SLC43A3: variants seen among roughly 807,000 people sequenced by gnomAD.
The protein encoded by SLC43A3 is equilibrative nucleobase transporter 1.
In SLC43A3, 33 loss-of-function variants were observed where a neutral mutation model predicts 53.3. That is an observed-to-expected ratio of 0.62 (90% CI 0.47 to 0.83). The LOEUF (loss-of-function observed/expected upper bound fraction) is 0.83, where lower values mean the gene tolerates loss of function less well. SLC43A3 is among the 40% of genes least tolerant of loss of function. The pLI, the probability that SLC43A3 is intolerant of heterozygous loss-of-function variation, is 0.00. For synonymous variants in SLC43A3, 236 were observed against 246.2 expected (o/e 0.96, Z 0.39); for missense variants, 530 against 610.0 (o/e 0.87, Z 1.38).
intron 11 of SLC43A3, among the ~76,000 whole-genome samples, chr11:57,411,919 C>T (rs941718804): frequency 6.6e-6 from 1 of 151,880 alleles, no homozygotes; most frequent in African/African-American, 2.4e-5. Flanking sequence ...GAAAGGGCTA[C>T]AAATGTAAAA....
At chr11:57,409,047 T>C (rs1020053835) in intron 13 of SLC43A3, 128 bp downstream of exon 13, 28 of 911,286 alleles carry the variant, frequency 3.1e-5, no homozygotes, top group Admixed American at 1.1e-4. Context: ...CCCCAAATAC[T>C]TGAATAACAC....
chr11:57,425,920 C>T, intron 3 of SLC43A3, 69 bp downstream of exon 3: 5 of 1,493,900 alleles, frequency 3.3e-6, no homozygotes, highest in African/African-American at 1.4e-5. Flanking sequence ...GGGGCAGAGT[C>T]CTTCCTGCTC....
At chr11:57,424,667 G>A (rs968085242) in intron 4 of SLC43A3, among the ~76,000 whole-genome samples, 4 of 152,132 alleles carry the variant, frequency 2.6e-5, no homozygotes, top group African/African-American at 7.2e-5. Flanking sequence ...GACAAAGGAA[G>A]GGGAGGAAAG....
intron 7 of SLC43A3, among the ~76,000 whole-genome samples, 157 bp from the exon 8 acceptor site, chr11:57,418,044 A>G (rs941549435): frequency 2.0e-5 from 3 of 152,214 alleles, no homozygotes; most frequent in African/African-American, 4.8e-5. Flanking sequence ...TTCAGCCTTA[A>G]AAAAGGAAAG....
At chr11:57,408,226 G>C in intron 13 of SLC43A3, 1 of 216,226 alleles carries the variant, frequency 4.6e-6, no homozygotes, top group South Asian at 8.7e-5. Flanking sequence ...TGATTACTAG[G>C]TCACCTGATG....
chr11:57,413,941 G>C (rs933745200), intron 11 of SLC43A3, among the ~76,000 whole-genome samples: 3 of 152,136 alleles, frequency 2.0e-5, no homozygotes, highest in Non-Finnish European at 1.5e-5. Context: ...ATTCCCTCCA[G>C]GAAGCCTTCC....
rs1288045319 is a variant in SLC43A3, at chr11:57,416,648, T to C, written c.694A>G (p.Thr232Ala). The C allele has an allele frequency of 6.2e-7, 1 of 1,614,116 alleles. No individual in the cohort carries two copies. The highest frequency in any genetic ancestry group is 1.7e-5 in the Admixed American group (1 of 60,014). ...TCAGCTGTTTCCTTCTCTTCCTTTG[T>C]GGTGCCATTCCCAGGGCACAGGCTA... is the stretch of plus-strand genomic sequence containing the variant. ...SYGLCPGNGT[T>A]KEEKETAEHE... The change falls in exon 9 of 14, where the codon ACA becomes GCA. Residue 232 changes from threonine (T) to alanine (A), a missense_variant. Thr to Ala is a moderately conservative substitution (Grantham distance 58). Transcript: ENST00000395124.
Position 57,425,589 on chromosome 11 carries a change from C to G in SLC43A3, c.266G>C (p.Gly89Ala). 6.2e-7 allele frequency: 1 copy of G among 1,614,102 alleles called. No homozygotes were observed. The highest frequency in any genetic ancestry group is 1.1e-5 in the South Asian group (1 of 91,084). The change falls in exon 4 of 14, where the codon GGC becomes GCC. Residue 89 changes from glycine (G) to alanine (A), a missense_variant. Gly to Ala is a moderately conservative substitution (Grantham distance 60, BLOSUM62 0). Coordinates refer to ENST00000395124, the MANE Select transcript of SLC43A3 (RefSeq NM_199329.3). The part of the protein sequence containing the change: ...FMNNFMTFPT[G>A]YIFDRFKTTV... Reference sequence around the variant, plus strand: ...GGTCTTGAACCGGTCAAAGATGTAGCCAGTGGGGAATGTCATGAAGTTGTT... The same window carrying G: ...GGTCTTGAACCGGTCAAAGATGTAGGCAGTGGGGAATGTCATGAAGTTGTT...
chr11:57,407,955 T>G, intron 13 of SLC43A3, 59 bp from the exon 14 acceptor site: 7 of 1,165,042 alleles, frequency 6.0e-6, no homozygotes, highest in Non-Finnish European at 6.4e-6. Flanking sequence ...GAACTGTTGC[T>G]CAATGAAGCA....
In SLC43A3 at chr11:57,409,934, C is replaced by T. The variant is rs775076255; in HGVS notation, c.1247+1G>A. On this transcript the variant is annotated splice_donor_variant, in intron 12 of 13. Coordinates refer to ENST00000395124, the MANE Select transcript of SLC43A3 (RefSeq NM_199329.3). LOFTEE classifies it high-confidence loss of function. ...ACAGAGCCCGCCCCAAGGCCACTTA[C>T]GCAAGGGTGAGGAAGGCCGCGTTGC... The T allele has an allele frequency of 4.4e-6, 7 of 1,607,712 alleles. No homozygotes were observed. Among genetic ancestry groups the T allele is most frequent in the Non-Finnish European group, 5.1e-6 (6 of 1,177,196 alleles).
Position 57,409,929 on chromosome 11 carries a change from A to G in SLC43A3, c.1247+6T>C. 1 of 1,604,994 alleles carries G rather than the reference A, an allele frequency of 6.2e-7. No homozygotes were observed. Among genetic ancestry groups the G allele is most frequent in the Non-Finnish European group, 8.5e-7 (1 of 1,175,690 alleles). On this transcript the variant is annotated splice_donor_region_variant and intron_variant, in intron 12 of 13. Coordinates refer to ENST00000395124, the MANE Select transcript of SLC43A3 (RefSeq NM_199329.3). Reference sequence around the variant, plus strand: ...TCTCCACAGAGCCCGCCCCAAGGCCACTTACGCAAGGGTGAGGAAGGCCGC... The same window carrying G: ...TCTCCACAGAGCCCGCCCCAAGGCCGCTTACGCAAGGGTGAGGAAGGCCGC...
In SLC43A3 at chr11:57,425,681, A is replaced by T. The variant is rs2135078008; in HGVS notation, c.185-11T>A. 6.2e-7 allele frequency: 1 copy of T among 1,613,928 alleles called. No individual in the cohort carries two copies. Among genetic ancestry groups the T allele is most frequent in the East Asian group, 2.2e-5 (1 of 44,888 alleles). ...CCTGGGCTTTGCAGTCTGGAGTAGA[A>T]AAAAGGTCTCCCATGCATCCCAGCC... On this transcript the variant is annotated splice_polypyrimidine_tract_variant and intron_variant, in intron 3 of 13. Coordinates refer to ENST00000395124, the MANE Select transcript of SLC43A3 (RefSeq NM_199329.3).
intron 11 of SLC43A3, among the ~76,000 whole-genome samples, chr11:57,410,848 A>C (rs1565094652): frequency 6.6e-6 from 1 of 152,192 alleles, no homozygotes; most frequent in South Asian, 2.1e-4. Context: ...TGTGATAGTG[A>C]ATAAATCTCA....
chr11:57,409,925 G>C lies in SLC43A3; in HGVS notation c.1247+10C>G. On this transcript the variant is annotated intron_variant, in intron 12 of 13. Coordinates refer to ENST00000395124, the MANE Select transcript of SLC43A3 (RefSeq NM_199329.3). ...TCCGTCTCCACAGAGCCCGCCCCAA[G>C]GCCACTTACGCAAGGGTGAGGAAGG... is the stretch of plus-strand genomic sequence containing the variant. 2 of 1,602,874 alleles carry C rather than the reference G, an allele frequency of 1.2e-6. No homozygotes were observed. Among genetic ancestry groups the C allele is most frequent in the Non-Finnish European group, 1.7e-6 (2 of 1,174,634 alleles).
chr11:57,408,558 T>A (rs540507250), intron 13 of SLC43A3: 1 of 153,758 alleles, frequency 6.5e-6, no homozygotes, highest in South Asian at 2.0e-4. Context: ...CAAAGCAAGA[T>A]CGTGTCTCCA....
chr11:57,407,679 G>C lies in SLC43A3; in HGVS notation c.*113C>G. ...GTGTCTTTATTTTGTGTGTGTGTGT[G>C]TGTGTGTGTGTGTTTTGCTGGGATA... On this transcript the variant is annotated 3_prime_UTR_variant, in exon 14 of 14. Coordinates refer to ENST00000395124, the MANE Select transcript of SLC43A3 (RefSeq NM_199329.3). The C allele has an allele frequency of 1.5e-6, 1 of 652,492 alleles. No homozygotes were observed. The allele number at this position is 652,492 out of a possible 1,614,324, so 40.4% of individuals were successfully genotyped here.
chr11:57,409,559 T>C (rs971958289), intron 12 of SLC43A3, among the ~76,000 whole-genome samples: 1 of 152,092 alleles, frequency 6.6e-6, no homozygotes, highest in Non-Finnish European at 1.5e-5. Context: ...AAGACAGGCA[T>C]GTAAATGGAT....
chr11:57,417,628 TA>T, intron 8 of SLC43A3, 119 bp downstream of exon 8: 2 of 1,155,738 alleles, frequency 1.7e-6, no homozygotes, highest in Non-Finnish European at 2.4e-6. Context: ...TATGCAGCAA[TA>T]GCTAACAGAT....
chr11:57,409,955 G>T lies in SLC43A3; in HGVS notation c.1227C>A (p.Asn409Lys). Residue 409 changes from asparagine to lysine, a missense_variant, in exon 12 of 14, where the codon AAC (asparagine) becomes AAA (lysine). By Grantham distance (94) the Asn-to-Lys change is moderately conservative (BLOSUM62 0). This residue lies in a region of SLC43A3 where 124 missense variants were observed against 166.4 expected (regional missense o/e 0.75). Coordinates refer to ENST00000395124, the MANE Select transcript of SLC43A3 (RefSeq NM_199329.3). ...VISRSFLYGSNAAFLTLAFPS... is the reference protein window; with the variant it reads ...VISRSFLYGSKAAFLTLAFPS... ...CTTACGCAAGGGTGAGGAAGGCCGC[G>T]TTGCTCCCATAGAGGAAGGAGCGGC... The T allele has an allele frequency of 6.2e-7, 1 of 1,612,438 alleles. No individual in the cohort carries two copies. Among genetic ancestry groups the T allele is most frequent in the Non-Finnish European group, 8.5e-7 (1 of 1,179,394 alleles).
Sources: allele counts gnomAD v4.1 joint callset (sites outside exome capture counted in the v4.1 genomes callset), GRCh38; gene constraint gnomAD v4.1.1; regional missense constraint gnomAD v4.1.1; transcripts MANE v1.5; gene names NCBI Gene and HGNC (gene_info 2026-07-23, HGNC 2026-07-21).